DIAPH3: variants seen among roughly 807,000 people sequenced by gnomAD.
DIAPH3 encodes the protein protein diaphanous homolog 3.
Under a neutral mutation model 144.3 loss-of-function variants are expected in DIAPH3, and 117 were observed. The observed-to-expected ratio is 0.81, with a 90% CI of 0.70 to 0.95. The LOEUF is 0.95. DIAPH3 is among the 40% of genes least tolerant of loss of function. The pLI, the probability that DIAPH3 is intolerant of heterozygous loss-of-function variation, is 0.00. For synonymous variants in DIAPH3, 519 were observed against 488.9 expected, an observed-to-expected ratio of 1.06 and a Z score of -0.81; for missense variants, 1,421 against 1,412.7, an observed-to-expected ratio of 1.01 and a Z score of -0.09.
intron 25 of DIAPH3, among the ~76,000 whole-genome samples, chr13:59,809,502 CA>C (rs58693079): frequency 0.45 from 47,782 of 105,236 alleles, 7,864 homozygotes; most frequent in East Asian, 0.7. Flanking sequence ...AACTCCATCT[CA>C]AAAAAAAAAA....
At chr13:59,868,767 T>C (rs147360488) in intron 21 of DIAPH3, among the ~76,000 whole-genome samples, 79 of 152,282 alleles carry the variant, frequency 5.2e-4, no homozygotes, top group African/African-American at 1.8e-3. Flanking sequence ...TGATGTTTTA[T>C]TGTCTCTAGA....
At chr13:60,152,596 T>A (rs977122339) in intron 1 of DIAPH3, among the ~76,000 whole-genome samples, 1 of 145,516 alleles carries the variant, frequency 6.9e-6, no homozygotes, top group African/African-American at 2.5e-5. Context: ...AAATGAAGAG[T>A]AAAGATTAGA....
chr13:59,908,153 A>C (rs1171640943), intron 20 of DIAPH3, among the ~76,000 whole-genome samples: 1 of 151,818 alleles, frequency 6.6e-6, no homozygotes, highest in Non-Finnish European at 1.5e-5. Flanking sequence ...GGCAGATCAC[A>C]AGGTCAAGAG....
At chr13:59,840,779 C>G (rs2042297325) in intron 22 of DIAPH3, among the ~76,000 whole-genome samples, 1 of 151,216 alleles carries the variant, frequency 6.6e-6, no homozygotes, top group Non-Finnish European at 1.5e-5. Flanking sequence ...TATGATGAAG[C>G]TAGTCTGGAT....
intron 24 of DIAPH3, among the ~76,000 whole-genome samples, chr13:59,816,072 ATT>A (rs1166908678): frequency 6.6e-6 from 1 of 151,794 alleles, no homozygotes; most frequent in East Asian, 1.9e-4. Context: ...AAATTTCACA[ATT>A]TTTTTTCCCA....
intron 20 of DIAPH3, among the ~76,000 whole-genome samples, chr13:59,893,937 T>C (rs911360160): frequency 2.0e-5 from 3 of 152,174 alleles, no homozygotes; most frequent in African/African-American, 7.2e-5. Context: ...CTGTGTTTCT[T>C]AGTATTGATT....
At chr13:60,107,411 A>T (rs1467852558) in intron 3 of DIAPH3, among the ~76,000 whole-genome samples, 1 of 152,140 alleles carries the variant, frequency 6.6e-6, no homozygotes, top group African/African-American at 2.4e-5. Context: ...GGTATTTTTT[A>T]TATTATGTTC....
At chr13:59,749,253 G>A (rs775170205) in intron 27 of DIAPH3, among the ~76,000 whole-genome samples, 39 of 147,836 alleles carry the variant, frequency 2.6e-4, no homozygotes, top group Middle Eastern at 7.4e-3. Context: ...GGGTGCAGTG[G>A]CTCACGCCTG....
intron 27 of DIAPH3, among the ~76,000 whole-genome samples, chr13:59,756,717 G>A (rs1380651390): frequency 6.6e-6 from 1 of 152,162 alleles, no homozygotes; most frequent in Non-Finnish European, 1.5e-5. Flanking sequence ...AAGGAGGTGT[G>A]AACCCATCTG....
intron 17 of DIAPH3, among the ~76,000 whole-genome samples, chr13:59,940,372 A>G (rs2048469102): frequency 6.6e-6 from 1 of 152,184 alleles, no homozygotes; most frequent in Admixed American, 6.5e-5. Context: ...CTATCTTTAA[A>G]TGCTTCATGA....
intron 25 of DIAPH3, among the ~76,000 whole-genome samples, chr13:59,804,553 T>C (rs1157108557): frequency 6.6e-6 from 1 of 152,154 alleles, no homozygotes; most frequent in Non-Finnish European, 1.5e-5. Flanking sequence ...GCAAATAATA[T>C]GTGATCAATA....
chr13:60,010,851 A>G (rs79692446), intron 7 of DIAPH3, among the ~76,000 whole-genome samples, 182 bp from the exon 8 acceptor site: 2,139 of 152,282 alleles, frequency 0.014, 67 homozygotes, highest in East Asian at 0.1. Context: ...CACGCCTGTA[A>G]TCCCAGAACT....
intron 3 of DIAPH3, among the ~76,000 whole-genome samples, chr13:60,104,141 T>C (rs987839069): frequency 3.9e-5 from 6 of 152,204 alleles, no homozygotes; most frequent in African/African-American, 1.2e-4. Flanking sequence ...GAATTAACTT[T>C]ATTACTACTT....
At chr13:59,836,794 G>A (rs1009578783) in intron 23 of DIAPH3, among the ~76,000 whole-genome samples, 4 of 151,864 alleles carry the variant, frequency 2.6e-5, no homozygotes, top group African/African-American at 9.7e-5. Context: ...CATTTGATAT[G>A]TACCTCGATG....
At chr13:59,773,245 C>A (rs941282272) in intron 27 of DIAPH3, among the ~76,000 whole-genome samples, 1 of 152,106 alleles carries the variant, frequency 6.6e-6, no homozygotes, top group Non-Finnish European at 1.5e-5. Flanking sequence ...ACTTTACCTT[C>A]GGCAGTAAGG....
In DIAPH3 at chr13:59,666,414, C is replaced by A; in HGVS notation, c.*170G>T. 1 of 766,320 alleles carries A rather than the reference C, an allele frequency of 1.3e-6. No homozygotes were observed. The highest frequency in any genetic ancestry group is 2.0e-6 in the Non-Finnish European group (1 of 505,368). The allele number at this position is 766,320 out of a possible 1,614,324, so 47.5% of individuals were successfully genotyped here. ...ACAATCTTGAATAAACCAAAACCTC[C>A]AGTACATAGAAAAAGCATTGCAATC... is the stretch of plus-strand genomic sequence containing the variant. On this transcript the variant is annotated 3_prime_UTR_variant, in exon 28 of 28. Transcript: ENST00000400324.
chr13:59,850,103 G>A (rs1470197819), intron 22 of DIAPH3, among the ~76,000 whole-genome samples: 1 of 151,096 alleles, frequency 6.6e-6, no homozygotes, highest in Non-Finnish European at 1.5e-5. Context: ...GTTCACTCAT[G>A]ATTTGGCTCT....
intron 27 of DIAPH3, among the ~76,000 whole-genome samples, chr13:59,758,908 T>A: frequency 6.6e-6 from 1 of 151,228 alleles, no homozygotes; most frequent in Non-Finnish European, 1.5e-5. Context: ...GCCTCCTGAG[T>A]AGGTGGGACC....
At chr13:59,724,529 G>T (rs2035512024) in intron 27 of DIAPH3, among the ~76,000 whole-genome samples, 1 of 152,160 alleles carries the variant, frequency 6.6e-6, no homozygotes, top group South Asian at 2.1e-4. Flanking sequence ...TTGCCTAGAA[G>T]ATGCAGCCCA....
Sources: allele counts gnomAD v4.1 joint callset (sites outside exome capture counted in the v4.1 genomes callset), GRCh38; gene constraint gnomAD v4.1.1; transcripts MANE v1.5; gene names NCBI Gene and HGNC (gene_info 2026-07-23, HGNC 2026-07-21).